Variants in LRRTM4 observed in about 807,000 individuals in gnomAD.
LRRTM4 encodes leucine rich repeat transmembrane neuronal 4.
Under a neutral mutation model 47.6 loss-of-function variants are expected in LRRTM4, and 25 were observed. The ratio of observed to expected loss-of-function variants is 0.53; its 90% confidence interval spans 0.38 to 0.73. The LOEUF (loss-of-function observed/expected upper bound fraction) is 0.73, where lower values mean the gene tolerates loss of function less well. Among genes scored for constraint, LRRTM4 ranks in the 30% least tolerant of loss-of-function variants. The pLI is 0.00. For missense variants in LRRTM4, 638 were observed against 713.4 expected, an observed-to-expected ratio of 0.89 and a Z score of 1.20; for synonymous variants, 311 against 269.5, an observed-to-expected ratio of 1.15 and a Z score of -1.51.
chr2:77,004,336 C>A (rs781339289), intron 3 of LRRTM4, among the ~76,000 whole-genome samples: 7 of 152,200 alleles, frequency 4.6e-5, no homozygotes, highest in Non-Finnish European at 8.8e-5. Flanking sequence ...TCCCCTGCAT[C>A]CCAACTGCTC....
At chr2:77,097,994 A>G (rs1441703946) in intron 3 of LRRTM4, among the ~76,000 whole-genome samples, 5 of 151,982 alleles carry the variant, frequency 3.3e-5, no homozygotes, top group South Asian at 2.1e-4. Flanking sequence ...AAAATTATAG[A>G]CCCAATAAAG....
intron 3 of LRRTM4, among the ~76,000 whole-genome samples, chr2:77,073,587 A>T (rs559929024): frequency 6.6e-6 from 1 of 152,138 alleles, no homozygotes; most frequent in African/African-American, 2.4e-5. Flanking sequence ...AATGTGCAAC[A>T]GTCTTTCTAC....
chr2:77,329,030 T>G (rs1412198613), intron 3 of LRRTM4, among the ~76,000 whole-genome samples: 1 of 152,188 alleles, frequency 6.6e-6, no homozygotes, highest in African/African-American at 2.4e-5. Flanking sequence ...TCATGCGTCT[T>G]GTCCGAGATG....
chr2:77,493,381 T>C (rs1350301703), intron 3 of LRRTM4, among the ~76,000 whole-genome samples: 1 of 152,048 alleles, frequency 6.6e-6, no homozygotes, highest in Non-Finnish European at 1.5e-5. Context: ...AACAATGATA[T>C]ATATATTCAA....
intron 3 of LRRTM4, among the ~76,000 whole-genome samples, chr2:76,793,145 AC>A (rs1675068795): frequency 6.6e-6 from 1 of 152,186 alleles, no homozygotes; most frequent in Non-Finnish European, 1.5e-5. Flanking sequence ...AGGCAAGTAG[AC>A]CCAGGGGTAC....
At chr2:77,422,864 G>A (rs941922319) in intron 3 of LRRTM4, among the ~76,000 whole-genome samples, 1 of 151,930 alleles carries the variant, frequency 6.6e-6, no homozygotes, top group African/African-American at 2.4e-5. Flanking sequence ...TCTCTTTATT[G>A]TATGTTTTCA....
At chr2:77,500,014 T>A (rs1479997173) in intron 3 of LRRTM4, among the ~76,000 whole-genome samples, 1 of 151,802 alleles carries the variant, frequency 6.6e-6, no homozygotes, top group African/African-American at 2.4e-5. Flanking sequence ...TACTTCTTTT[T>A]ATAGCTTAGA....
At position 76,967,396 on chromosome 2, in the gene LRRTM4, T is replaced by C. The variant is rs1212866173; in HGVS notation, c.1552-218480A>G. Among the ~76,000 whole-genome samples, 5 of 151,574 alleles carry C rather than the reference T, an allele frequency of 3.3e-5. 1 individual carries two copies. Among genetic ancestry groups the C allele is most frequent in the Non-Finnish European group, 7.4e-5 (5 of 67,714 alleles). The stretch of plus-strand genomic sequence containing the variant: ...CTCACCAATCTATCGTGCATAACAT[T>C]GGAGTAGATCTTTCTGTGTTGCAAT... On this transcript the variant is annotated intron_variant, in intron 3 of 3. Coordinates refer to ENST00000409884, the MANE Select transcript of LRRTM4 (RefSeq NM_001134745.3).
At chr2:77,504,379 C>T (rs1025645518) in intron 3 of LRRTM4, among the ~76,000 whole-genome samples, 1 of 151,396 alleles carries the variant, frequency 6.6e-6, no homozygotes, top group Non-Finnish European at 1.5e-5. Context: ...GCCCTCTGAT[C>T]CAGATAAAAG....
intron 3 of LRRTM4, among the ~76,000 whole-genome samples, chr2:76,995,901 C>T (rs976915180): frequency 6.6e-6 from 1 of 151,846 alleles, no homozygotes; most frequent in African/African-American, 2.4e-5. Context: ...GTCTAAAGCA[C>T]AGAGAAAAAA....
At chr2:76,832,507 C>T (rs1167879237) in intron 3 of LRRTM4, among the ~76,000 whole-genome samples, 1 of 125,534 alleles carries the variant, frequency 8.0e-6, no homozygotes, top group Non-Finnish European at 1.6e-5. Context: ...GTAGAGATGA[C>T]TAATACTCTT....
At chr2:77,277,794 T>G (rs1224154981) in intron 3 of LRRTM4, among the ~76,000 whole-genome samples, 1 of 152,078 alleles carries the variant, frequency 6.6e-6, no homozygotes, top group Non-Finnish European at 1.5e-5. Flanking sequence ...CATTTACATT[T>G]GCTTGTCATA....
chr2:77,456,761 GATCTT>G (rs1451966888), intron 3 of LRRTM4, among the ~76,000 whole-genome samples: 4 of 151,736 alleles, frequency 2.6e-5, no homozygotes, highest in Non-Finnish European at 5.9e-5. Context: ...TGTGTAGCCT[GATCTT>G]ATCTTATTCT....
At chr2:77,037,642 T>C (rs1002586740) in intron 3 of LRRTM4, among the ~76,000 whole-genome samples, 1 of 151,738 alleles carries the variant, frequency 6.6e-6, no homozygotes, top group African/African-American at 2.4e-5. Flanking sequence ...ATGTAGACTC[T>C]AATATAAGAA....
chr2:77,387,791 G>A (rs1279433001), intron 3 of LRRTM4, among the ~76,000 whole-genome samples: 1 of 151,996 alleles, frequency 6.6e-6, no homozygotes, highest in Admixed American at 6.6e-5. Context: ...GCAGGAAAAC[G>A]GTAATGGGTT....
chr2:77,106,689 A>G (rs1298353822), intron 3 of LRRTM4, among the ~76,000 whole-genome samples: 2 of 152,086 alleles, frequency 1.3e-5, no homozygotes, highest in African/African-American at 2.4e-5. Context: ...ATGTTTTCTT[A>G]TTTAGCAAAA....
intron 3 of LRRTM4, among the ~76,000 whole-genome samples, chr2:77,031,753 C>CAG (rs140683398): frequency 1.3e-5 from 2 of 152,016 alleles, no homozygotes; most frequent in African/African-American, 4.8e-5. Flanking sequence ...GTGTGTGTGA[C>CAG]AGAGAGAGAG....
intron 3 of LRRTM4, among the ~76,000 whole-genome samples, chr2:77,486,362 CTAT>C (rs1677910175): frequency 6.6e-6 from 1 of 152,164 alleles, no homozygotes; most frequent in South Asian, 2.1e-4. Context: ...TTCCATTCTT[CTAT>C]ATTTGTCTGT....
At chr2:76,841,922 A>G (rs779043937) in intron 3 of LRRTM4, among the ~76,000 whole-genome samples, 4 of 152,184 alleles carry the variant, frequency 2.6e-5, no homozygotes, top group African/African-American at 9.7e-5. Flanking sequence ...CAATGGGCTC[A>G]CACATGCGCT....
Sources: gnomAD v4.1 joint callset for allele counts (sites outside exome capture counted in the v4.1 genomes callset) on GRCh38, gnomAD v4.1.1 for gene constraint, MANE v1.5 for transcripts, NCBI Gene and HGNC (gene_info 2026-07-23, HGNC 2026-07-21) for gene names.